THBS2: variants seen among roughly 807,000 people sequenced by gnomAD.
THBS2 encodes thrombospondin 2.
Under a neutral mutation model 135.2 loss-of-function variants are expected in THBS2, and 47 were observed. That is an observed-to-expected ratio of 0.35 (90% confidence interval 0.28 to 0.44). The LOEUF (loss-of-function observed/expected upper bound fraction) is 0.44, where lower values mean the gene tolerates loss of function less well. THBS2 is among the 20% of genes least tolerant of loss of function. THBS2 has a pLI of 1.00. For missense variants in THBS2, 1,288 were observed against 1,603.1 expected, an observed-to-expected ratio of 0.80 and a Z score of 3.36; for synonymous variants, 639 against 633.8, an observed-to-expected ratio of 1.01 and a Z score of -0.12.
intron 4 of THBS2, among the ~76,000 whole-genome samples, chr6:169,245,572 C>T (rs1053533334): frequency 4.6e-5 from 7 of 152,088 alleles, no homozygotes; most frequent in Non-Finnish European, 7.4e-5. Flanking sequence ...GTGGGCAGAT[C>T]ACGAGGTCAG....
intron 7 of THBS2, 129 bp downstream of exon 7, chr6:169,239,470 G>A: frequency 1.2e-6 from 1 of 821,186 alleles, no homozygotes; most frequent in Non-Finnish European, 1.9e-6. Context: ...GTGGCCCTCT[G>A]ATTCTCTCAC....
intron 4 of THBS2, among the ~76,000 whole-genome samples, chr6:169,242,601 TTCCCACCTTCCCACC>T (rs1780355972): frequency 1.4e-5 from 1 of 71,408 alleles, no homozygotes; most frequent in Non-Finnish European, 2.8e-5. Context: ...CCTTCCCACA[TTCCCACCTTCCCACC>T]GCTCCCACCT....
At chr6:169,218,777 AGGGATGAGTGGGTTGG>A in intron 21 of THBS2, among the ~76,000 whole-genome samples, 1 of 99,192 alleles carries the variant, frequency 1.0e-5, no homozygotes, top group Admixed American at 1.1e-4. Context: ...GGGTGGATGG[AGGGATGAGTGGGTTGG>A]TGGATGAGAT....
At chr6:169,251,830 A>AC (rs10714692) in intron 1 of THBS2, among the ~76,000 whole-genome samples, 1,100 of 79,118 alleles carry the variant, frequency 0.014, 9 homozygotes, top group African/African-American at 0.026. Context: ...TGCTGCTGGG[A>AC]CCCCCCCCCC....
In THBS2 at chr6:169,221,527, C is replaced by T; in HGVS notation, c.3274G>A (p.Val1092Met). 2 of 1,613,802 alleles carry T rather than the reference C, an allele frequency of 1.2e-6. No individual in the cohort carries two copies. Among genetic ancestry groups the T allele is most frequent in the Non-Finnish European group, 1.7e-6 (2 of 1,179,992 alleles). ...CTGGGGTCGTGCCATAAGGTTCGCA[C>T]CTGAGAGAGAACATAGCACTCTTGA... ...LWHTGNTPGQ[V>M]RTLWHDPRNI... Residue 1092 changes from valine (V) to methionine (M), a missense_variant and splice_region_variant, in exon 20 of 22, where the codon GTG becomes ATG. Physicochemically the swap from Val to Met is conservative, Grantham distance 21 (BLOSUM62 1). This residue lies in a region of THBS2 where 874 missense variants were observed against 1,156.1 expected (regional missense o/e 0.76). Transcript: ENST00000617924.
intron 9 of THBS2, among the ~76,000 whole-genome samples, chr6:169,235,630 C>A (rs957256924): frequency 6.6e-6 from 1 of 151,922 alleles, no homozygotes; most frequent in Non-Finnish European, 1.5e-5. Context: ...TGTGCATCTG[C>A]GGCATCCTCT....
intron 5 of THBS2, 80 bp from the exon 6 acceptor site, chr6:169,240,672 G>A (rs936885032): frequency 1.3e-6 from 2 of 1,516,896 alleles, no homozygotes; most frequent in Non-Finnish European, 1.8e-6. Flanking sequence ...GAAAAACAAA[G>A]TTCCTCCTTC....
rs757104686 is a variant in THBS2 at position 169,226,284 on chromosome 6, G to A, written c.2434C>T (p.Arg812Ter). The A allele has an allele frequency of 6.4e-5, 103 of 1,613,488 alleles. No homozygotes were observed. Among genetic ancestry groups the A allele is most frequent in the Non-Finnish European group, 8.6e-5 (101 of 1,179,602 alleles). ...DIDGDDVFNE[R>*]DNCPYVYNTD... ...TTGTAGACGTAGGGACAATTGTCTC[G>A]TTCATTGAAGACATCTGTAAGTGTT... is the stretch of plus-strand genomic sequence containing the variant. Residue 812 changes from arginine (R) to a stop codon, truncating the protein, a stop_gained, in exon 16 of 22, where the codon CGA becomes TGA. Transcript: ENST00000617924. LOFTEE classifies it high-confidence loss of function.
chr6:169,232,108 T>G lies in THBS2; in HGVS notation c.2023A>C (p.Met675Leu). Reference sequence around the variant, plus strand: ...CCTGTCTGGCACTCGCACTTGTACATGGGGTCGCTGAAGTGGCCCAGGTAG... The same window carrying G: ...CCTGTCTGGCACTCGCACTTGTACAGGGGGTCGCTGAAGTGGCCCAGGTAG... Reference protein sequence around the residue: ...CIYLGHFSDPMYKCECQTGYA... With the variant: ...CIYLGHFSDPLYKCECQTGYA... Residue 675 changes from methionine (M) to leucine (L), a missense_variant, in exon 13 of 22, where the codon ATG becomes CTG. Physicochemically the swap from Met to Leu is conservative, Grantham distance 15. Around this residue, in one of 2 missense-constraint regions of THBS2, gnomAD observed 874 missense variants for 1,156.1 expected, o/e 0.76. Transcript: ENST00000617924. 6.2e-7 allele frequency: 1 copy of G among 1,614,078 alleles called. No individual in the cohort carries two copies. The highest frequency in any genetic ancestry group is 2.2e-5 in the East Asian group (1 of 44,874).
intron 9 of THBS2, among the ~76,000 whole-genome samples, chr6:169,236,160 TCACTCCCCATCCACAC>T (rs1780049660): frequency 2.5e-5 from 2 of 80,816 alleles, no homozygotes; most frequent in African/African-American, 5.3e-5. Flanking sequence ...CCATCCACAC[TCACTCCCCATCCACAC>T]TCATTCCCCA....
intron 6 of THBS2, among the ~76,000 whole-genome samples, chr6:169,239,920 C>T (rs2115013981): frequency 6.6e-6 from 1 of 152,328 alleles, no homozygotes; most frequent in African/African-American, 2.4e-5. Context: ...CCATTCCTTT[C>T]TCCCTTCACT....
intron 1 of THBS2, among the ~76,000 whole-genome samples, chr6:169,251,835 C>CAT: frequency 7.2e-6 from 1 of 138,368 alleles, no homozygotes; most frequent in Middle Eastern, 3.7e-3. Flanking sequence ...CTGGGACCCC[C>CAT]CCCCCAAACC....
chr6:169,231,927 G>T, intron 13 of THBS2, 53 bp downstream of exon 13: 1 of 1,592,998 alleles, frequency 6.3e-7, no homozygotes. Context: ...CCCGGCGCCA[G>T]GAGGAGGGCT....
At chr6:169,245,532 C>A (rs1160646110) in intron 4 of THBS2, among the ~76,000 whole-genome samples, 1 of 152,124 alleles carries the variant, frequency 6.6e-6, no homozygotes, top group African/African-American at 2.4e-5. Context: ...GTGGCTCACA[C>A]CTGTAATCCC....
intron 7 of THBS2, among the ~76,000 whole-genome samples, chr6:169,238,221 G>A (rs558191552): frequency 6.6e-6 from 1 of 152,322 alleles, no homozygotes; most frequent in Admixed American, 6.5e-5. Context: ...ACATAATGTA[G>A]TGAAACATTT....
In THBS2 at chr6:169,223,411, A is replaced by G. The variant is rs1562353974; in HGVS notation, c.2838T>C (p.Asp946=). The G allele has an allele frequency of 6.2e-7, 1 of 1,614,188 alleles. No homozygotes were observed. Among genetic ancestry groups the G allele is most frequent in the South Asian group, 1.1e-5 (1 of 91,084 alleles). ...TGATGGCATTGTTTTCAGGACACACATCATCAATATCTGGGATGTTGTCAT... is the reference window on the plus strand; with the variant it reads ...TGATGGCATTGTTTTCAGGACACACGTCATCAATATCTGGGATGTTGTCAT... The part of the protein sequence containing the change: ...FDNDNIPDID[D]VCPENNAISE... The change falls in exon 18 of 22, where the codon GAT becomes GAC. Residue 946 remains aspartate, a synonymous_variant. Transcript: ENST00000617924.
Position 169,233,048 on chromosome 6 carries a change from C to A in THBS2, c.1652-31G>T. 6 of 1,509,648 alleles carry A rather than the reference C, an allele frequency of 4.0e-6. No individual in the cohort carries two copies. The East Asian group carries it at 7.4e-5, about 19-fold the overall frequency. The allele number at this position is 1,509,648 out of a possible 1,614,324, so 93.5% of individuals were successfully genotyped here. A position where few individuals can be genotyped will look rare whatever the true frequency, so the allele number is the denominator to read the frequency against. The stretch of plus-strand genomic sequence containing the variant: ...TGGGAGAAGGCGGAGCAGAGTTCAC[C>A]ACGCGCCCTGCGCAGCACAGAAGGA... On this transcript the variant is annotated intron_variant, in intron 10 of 21. Coordinates refer to ENST00000617924, the MANE Select transcript of THBS2 (RefSeq NM_003247.5).
At chr6:169,248,163 G>A (rs551884848) in intron 3 of THBS2, among the ~76,000 whole-genome samples, 1 of 151,408 alleles carries the variant, frequency 6.6e-6, no homozygotes, top group South Asian at 2.1e-4. Flanking sequence ...ATGTGTTTGT[G>A]AGCATGTGTG....
rs1400281248 is a variant in THBS2, at chr6:169,241,593, T to G, written c.891+169A>C. Among the ~76,000 whole-genome samples, 5 of 152,110 alleles carry G rather than the reference T, an allele frequency of 3.3e-5. No individual in the cohort carries two copies. The highest frequency in any genetic ancestry group is 5.9e-5 in the Non-Finnish European group (4 of 68,004). The stretch of plus-strand genomic sequence containing the variant: ...AACTTCCCTCTAACAATGCTGAATA[T>G]TGAGCAAGGATCCTGAGGAGCCCGG... On this transcript the variant is annotated intron_variant, in intron 5 of 21. Coordinates refer to ENST00000617924, the MANE Select transcript of THBS2 (RefSeq NM_003247.5). This position sits in a 1 kb window ranked among gnomAD's most constrained non-coding sequence, Gnocchi z 5.5.
Sources: gnomAD v4.1 joint callset for allele counts (sites outside exome capture counted in the v4.1 genomes callset) on GRCh38, gnomAD v4.1.1 for gene constraint, gnomAD v4.1.1 regional missense constraint, Gnocchi (gnomAD v3.1) non-coding constraint, MANE v1.5 for transcripts, NCBI Gene and HGNC (gene_info 2026-07-23, HGNC 2026-07-21) for gene names.